Variants in KIF1A observed in about 807,000 individuals in gnomAD.
KIF1A encodes the protein kinesin-like protein KIF1A.
Under a neutral mutation model 227.3 loss-of-function variants are expected in KIF1A, and 46 were observed. The observed-to-expected ratio is 0.20, with a 90% confidence interval of 0.16 to 0.26. The LOEUF is 0.26. KIF1A is among the 10% of genes least tolerant of loss of function. The pLI, the probability that KIF1A is intolerant of heterozygous loss-of-function variation, is 1.00. For missense variants in KIF1A, 1,683 were observed against 2,485.9 expected (o/e 0.68, Z 6.87); for synonymous variants, 1,022 against 1,012.8 (o/e 1.01, Z -0.17).
At chr2:240,743,470 C>A (rs547111376) in intron 33 of KIF1A, among the ~76,000 whole-genome samples, 1 of 152,176 alleles carries the variant, frequency 6.6e-6, no homozygotes, top group Non-Finnish European at 1.5e-5. Flanking sequence ...GGTGAGATGG[C>A]CTGAGTGGAA....
intron 37 of KIF1A, among the ~76,000 whole-genome samples, chr2:240,738,252 C>G (rs903312579): frequency 6.6e-6 from 1 of 152,214 alleles, no homozygotes. Context: ...CCCATGAGCC[C>G]GCTGGTCTGG....
chr2:240,799,959 A>T (rs1303181693), intron 1 of KIF1A, among the ~76,000 whole-genome samples: 1 of 152,210 alleles, frequency 6.6e-6, no homozygotes, highest in Admixed American at 6.5e-5. Flanking sequence ...CAGGATGTTC[A>T]ATGGAATTTG....
chr2:240,722,701 A>T, intron 42 of KIF1A, 45 bp from the exon 43 acceptor site: 2 of 1,425,168 alleles, frequency 1.4e-6, no homozygotes, highest in Non-Finnish European at 1.9e-6. Context: ...CTCAGGGGTG[A>T]CCTCCGGAGT....
intron 37 of KIF1A, 63 bp from the exon 38 acceptor site, chr2:240,737,231 G>A (rs1424304829): frequency 5.3e-6 from 7 of 1,318,546 alleles, no homozygotes; most frequent in Non-Finnish European, 7.7e-6. Flanking sequence ...CTGGGGGGCT[G>A]CCTCAGGTGG....
intron 29 of KIF1A, 108 bp downstream of exon 29, chr2:240,747,128 C>T (rs1172922595): frequency 4.1e-6 from 3 of 733,016 alleles, no homozygotes; most frequent in Admixed American, 2.2e-5. Flanking sequence ...CCCAAGAGGA[C>T]TCAGGGCCCG....
chr2:240,815,698 G>A (rs145777093), intron 1 of KIF1A, among the ~76,000 whole-genome samples: 124 of 152,302 alleles, frequency 8.1e-4, no homozygotes, highest in African/African-American at 2.8e-3. Context: ...TGGGAGAAGT[G>A]GGGGGTAATG....
intron 10 of KIF1A, among the ~76,000 whole-genome samples, chr2:240,780,119 C>A (rs2053438587): frequency 6.6e-6 from 1 of 151,930 alleles, no homozygotes; most frequent in South Asian, 2.1e-4. Context: ...CCCACAGTGT[C>A]CTCCACATTT....
chr2:240,717,441 C>T (rs775518990), intron 48 of KIF1A, 35 bp from the exon 49 acceptor site: 4 of 1,600,494 alleles, frequency 2.5e-6, no homozygotes, highest in Non-Finnish European at 2.6e-6. Context: ...CGTGGTCAGG[C>T]CAGGAACACC....
intron 40 of KIF1A, chr2:240,724,946 G>GGGGGA (rs2045835966): frequency 5.1e-6 from 1 of 195,964 alleles, no homozygotes; most frequent in Non-Finnish European, 1.0e-5. Flanking sequence ...GGGGGGGGGG[G>GGGGGA]GGGGGAACGG....
At chr2:240,722,362 A>C in intron 43 of KIF1A, 94 bp downstream of exon 43, 1 of 1,255,124 alleles carries the variant, frequency 8.0e-7, no homozygotes, top group Non-Finnish European at 1.1e-6. Flanking sequence ...CAGAGCAGCC[A>C]TGGGCAAGGC....
chr2:240,726,982 G>T lies in KIF1A; in HGVS notation c.4008-42C>A. On this transcript the variant is annotated intron_variant, in intron 38 of 48. Transcript: ENST00000498729. This position sits in a 1 kb window ranked among gnomAD's most constrained non-coding sequence, Gnocchi z 5.2. ...ACAAAGTAGAAGTTGATGGCGTGGG[G>T]GCTGCTTTCAGCCAGGCCGGGGACA... The T allele has an allele frequency of 7.9e-7, 1 of 1,267,838 alleles. No homozygotes were observed. Among genetic ancestry groups the T allele is most frequent in the Non-Finnish European group, 1.1e-6 (1 of 887,474 alleles). 78.5% of individuals were successfully genotyped at this position (1,267,838 alleles called of 1,614,324 possible). A position where few individuals can be genotyped will look rare whatever the true frequency, so the allele number is the denominator to read the frequency against.
In KIF1A at chr2:240,725,454, AG is replaced by A; in HGVS notation, c.4123-51del. The A allele has an allele frequency of 2.5e-6, 4 of 1,597,482 alleles. No homozygotes were observed. The highest frequency in any genetic ancestry group is 3.4e-6 in the Non-Finnish European group (4 of 1,170,386). On this transcript the variant is annotated intron_variant, in intron 39 of 48. Coordinates refer to ENST00000498729, the MANE Select transcript of KIF1A (RefSeq NM_001244008.2). The surrounding 1 kb of genome is among the most constrained non-coding windows in gnomAD (Gnocchi z 5.8). ...AGGCACAAGGACACCCCGAGTGCCCAGGTGCCCTTCCAGCCTTCTCCTGGGG... is the reference window on the plus strand; with the variant it reads ...AGGCACAAGGACACCCCGAGTGCCCAGTGCCCTTCCAGCCTTCTCCTGGGG...
In KIF1A at chr2:240,725,947, C is replaced by T. The variant is rs1219042095; in HGVS notation, c.4123-543G>A. The T allele has an allele frequency of 6.5e-6, 1 of 152,694 alleles. No homozygotes were observed. The highest frequency in any genetic ancestry group is 6.5e-5 in the Admixed American group (1 of 15,322). The allele number at this position is 152,694 out of a possible 1,614,324, so 9.5% of individuals were successfully genotyped here. ...TCTGCCAGCGCCTCCTCACGGCAACCTCACCACCATCTGGTGAGATGGTCA... is the reference window on the plus strand; with the variant it reads ...TCTGCCAGCGCCTCCTCACGGCAACTTCACCACCATCTGGTGAGATGGTCA... On this transcript the variant is annotated intron_variant, in intron 39 of 48. Transcript: ENST00000498729. The surrounding 1 kb of genome is among the most constrained non-coding windows in gnomAD (Gnocchi z 5.8).
chr2:240,721,349 G>A (rs77822345), intron 44 of KIF1A, among the ~76,000 whole-genome samples: 188 of 152,360 alleles, frequency 1.2e-3, no homozygotes, highest in African/African-American at 4.0e-3. Context: ...GTGAGGTGGC[G>A]CTGGGTGATG....
At position 240,785,045 on chromosome 2, in the gene KIF1A, T is replaced by C; in HGVS notation, c.664A>G (p.Asn222Asp). The C allele has an allele frequency of 1.2e-6, 2 of 1,613,604 alleles. No individual in the cohort carries two copies. Among genetic ancestry groups the C allele is most frequent in the Non-Finnish European group, 1.7e-6 (2 of 1,179,810 alleles). Residue 222 changes from asparagine to aspartate, a missense_variant, in exon 7 of 49, where the codon AAC becomes GAC. This residue lies in a region of KIF1A where 21 missense variants were observed against 35.2 expected (regional missense o/e 0.60). Coordinates refer to ENST00000498729, the MANE Select transcript of KIF1A (RefSeq NM_001244008.2). Reference sequence around the variant, plus strand: ...TGGCGCTTCTGGGTGAAGATGATGTTGAAGACGGCGTGGGAGCGACTGCTG... The same window carrying C: ...TGGCGCTTCTGGGTGAAGATGATGTCGAAGACGGCGTGGGAGCGACTGCTG... ...ETSSRSHAVF[N>D]IIFTQKRHDA... is the part of the protein sequence containing the mutation.
chr2:240,791,676 C>G (rs943457800), intron 2 of KIF1A, among the ~76,000 whole-genome samples: 24 of 152,324 alleles, frequency 1.6e-4, no homozygotes, highest in Admixed American at 1.5e-3. Context: ...TGCCACACCC[C>G]ACATGGGCCA....
rs562555883 is a variant in KIF1A at position 240,750,603 on chromosome 2, G to A, written c.2859-56C>T. The A allele has an allele frequency of 3.6e-5, 44 of 1,232,304 alleles. No homozygotes were observed. In the East Asian group the frequency reaches 3.6e-4, roughly 10 times the overall value. The allele number at this position is 1,232,304 out of a possible 1,614,324, so 76.3% of individuals were successfully genotyped here. A position where few individuals can be genotyped will look rare whatever the true frequency, so the allele number is the denominator to read the frequency against. On this transcript the variant is annotated intron_variant, in intron 27 of 48. Transcript: ENST00000498729. ...CCACCCCTCCACGCATGTTCTGAACGGCAGCGGTGGCAGCATGGCCTGGCT... is the reference window on the plus strand; with the variant it reads ...CCACCCCTCCACGCATGTTCTGAACAGCAGCGGTGGCAGCATGGCCTGGCT...
chr2:240,734,089 C>T (rs1028893880), intron 38 of KIF1A, among the ~76,000 whole-genome samples: 1 of 152,252 alleles, frequency 6.6e-6, no homozygotes, highest in Non-Finnish European at 1.5e-5. Context: ...GCCACTTCCA[C>T]AAAAGGATGC....
rs909839300 is a variant in KIF1A at position 240,728,442 on chromosome 2, G to A, written c.4008-1502C>T. Reference sequence around the variant, plus strand: ...AGGTGGAGGCAGCCAGGACACACACGTACACATACAGAAGAAATGGAGATG... The same window carrying A: ...AGGTGGAGGCAGCCAGGACACACACATACACATACAGAAGAAATGGAGATG... On this transcript the variant is annotated intron_variant, in intron 38 of 48. Transcript: ENST00000498729. 3.9e-6 allele frequency: 5 copies of A among 1,284,724 alleles called. No individual in the cohort carries two copies. In the South Asian group the frequency reaches 5.0e-5, roughly 13 times the overall value. The allele number at this position is 1,284,724 out of a possible 1,614,324, so 79.6% of individuals were successfully genotyped here.
Sources: allele counts gnomAD v4.1 joint callset (sites outside exome capture counted in the v4.1 genomes callset), GRCh38; gene constraint gnomAD v4.1.1; regional missense constraint gnomAD v4.1.1; non-coding constraint Gnocchi (gnomAD v3.1); transcripts MANE v1.5; gene names NCBI Gene and HGNC (gene_info 2026-07-23, HGNC 2026-07-21).